The following MEIG1 variants were observed in gnomAD, a reference collection of about 807,000 sequenced individuals.
The protein encoded by MEIG1 is meiosis/spermiogenesis associated 1, also known as meiosis expressed gene 1 protein homolog.
MEIG1 carries 12 observed loss-of-function variants against 11.3 expected under a neutral mutation model. The ratio of observed to expected loss-of-function variants is 1.07; its 90% CI spans 0.68 to 1.73. MEIG1 has a LOEUF of 1.73. MEIG1 is among the 40% of genes most tolerant of loss of function. The pLI, the probability that MEIG1 is intolerant of heterozygous loss-of-function variation, is 0.00. For synonymous variants in MEIG1, 41 were observed against 33.2 expected (o/e 1.24, Z -0.81); for missense variants, 119 against 104.9 (o/e 1.13, Z -0.59).
the MEIG1 span, chr10:14,954,338 C>T: frequency 2.3e-6 from 1 of 431,080 alleles, no homozygotes; most frequent in Non-Finnish European, 4.3e-6. Flanking sequence ...GAGGTGCAGT[C>T]GCGGGAAGGG....
chr10:14,971,015 G>A lies in MEIG1; in HGVS notation c.139-1498G>A, dbSNP rs116921379. 3.3e-4 allele frequency among the ~76,000 whole-genome samples: 50 copies of A among 152,160 alleles called. No individual in the cohort carries two copies. In the East Asian group the frequency reaches 6.0e-3, roughly 18 times the overall value. On this transcript the variant is annotated intron_variant, in intron 2 of 2. Coordinates refer to ENST00000407572, the MANE Select transcript of MEIG1 (RefSeq NM_001080836.3). ...GGCCAGGAAGGGATAACATTGAAGA[G>A]GAAGTGGAGAGACAGATCTCCAAAT...
At chr10:14,968,696 TC>T (rs1843116109) in intron 2 of MEIG1, among the ~76,000 whole-genome samples, 1 of 152,128 alleles carries the variant, frequency 6.6e-6, no homozygotes, top group Admixed American at 6.6e-5. Context: ...TTATACTCTA[TC>T]CCCATTGCCA....
At chr10:14,982,895 T>C (rs1843279458) in intron 1 of MEIG1, among the ~76,000 whole-genome samples, 1 of 152,122 alleles carries the variant, frequency 6.6e-6, no homozygotes, top group African/African-American at 2.4e-5. Context: ...TAATAAGTGA[T>C]ATTGATCTTA....
chr10:14,986,514 C>T (rs1250656901), intron 1 of MEIG1, among the ~76,000 whole-genome samples: 5 of 152,188 alleles, frequency 3.3e-5, no homozygotes, highest in African/African-American at 9.7e-5. Context: ...TTCTGTATTT[C>T]AGGACCCAAT....
In MEIG1 at chr10:14,964,322, T is replaced by A. The variant is rs1262302604; in HGVS notation, c.-29-2118T>A. Among the ~76,000 whole-genome samples the A allele has an allele frequency of 3.3e-5, 5 of 152,072 alleles. No homozygotes were observed. The East Asian group carries it at 9.7e-4, about 29-fold the overall frequency. The stretch of plus-strand genomic sequence containing the variant: ...ACATCTTTCATATTGAAGAAATATT[T>A]GTCTGAAATTCAGCAAGTCTGTCTA... On this transcript the variant is annotated intron_variant, in intron 1 of 2. Transcript: ENST00000407572.
chr10:14,969,326 G>A (rs1024249893), intron 2 of MEIG1, among the ~76,000 whole-genome samples: 10 of 151,864 alleles, frequency 6.6e-5, no homozygotes, highest in African/African-American at 2.4e-4. Flanking sequence ...GAGTGTCTCT[G>A]TAGTCCCAGC....
chr10:14,964,722 G>A (rs1255253502), intron 1 of MEIG1, among the ~76,000 whole-genome samples: 11 of 142,932 alleles, frequency 7.7e-5, no homozygotes, highest in African/African-American at 2.1e-4. Flanking sequence ...GGTTTCAAGC[G>A]ATTCTCAAGC....
At chr10:14,984,218 C>T (rs1171647292) in intron 1 of MEIG1, among the ~76,000 whole-genome samples, 4 of 148,168 alleles carry the variant, frequency 2.7e-5, no homozygotes, top group Non-Finnish European at 5.9e-5. Flanking sequence ...GGGGAGCCCA[C>T]CCCCCTGCGA....
upstream of MEIG1, among the ~76,000 whole-genome samples, chr10:14,958,843 C>A (rs1184469746): frequency 6.6e-6 from 1 of 151,958 alleles, no homozygotes; most frequent in Non-Finnish European, 1.5e-5. Flanking sequence ...TTGCAGTGAG[C>A]CGAGATAGCA....
downstream of MEIG1, among the ~76,000 whole-genome samples, chr10:14,973,117 C>T (rs1843171291): frequency 1.3e-5 from 2 of 152,270 alleles, no homozygotes; most frequent in South Asian, 4.1e-4. Context: ...CTGCCCGCCT[C>T]AGCCTCCCAA....
At chr10:14,956,846 T>G (rs572532626), upstream of MEIG1, among the ~76,000 whole-genome samples, 1 of 152,286 alleles carries the variant, frequency 6.6e-6, no homozygotes, top group African/African-American at 2.4e-5. Context: ...GGTGGATCAC[T>G]TGAGGCCAGG....
At chr10:14,976,456 A>T (rs1564508206), downstream of MEIG1, among the ~76,000 whole-genome samples, 2 of 151,812 alleles carry the variant, frequency 1.3e-5, no homozygotes, top group Non-Finnish European at 1.5e-5. Flanking sequence ...CACACGGGCT[A>T]TGTTCGCTTT....
At chr10:14,982,384 C>T (rs1456357047) in intron 1 of MEIG1, among the ~76,000 whole-genome samples, 2 of 152,140 alleles carry the variant, frequency 1.3e-5, no homozygotes, top group Non-Finnish European at 2.9e-5. Flanking sequence ...GTTCCTCTAG[C>T]CACTTAGTTG....
At chr10:14,987,806 T>C (rs1843333936) in exon 3 of MEIG1, 1 of 179,536 alleles carries the variant, frequency 5.6e-6, no homozygotes, top group South Asian at 1.2e-4. Flanking sequence ...CTCAGTCTAA[T>C]TGAAAGAAAT....
intron 1 of MEIG1, among the ~76,000 whole-genome samples, chr10:14,964,681 A>G (rs1843059064): frequency 8.8e-6 from 1 of 114,158 alleles, no homozygotes; most frequent in African/African-American, 3.5e-5. Context: ...TTGCTCTGTC[A>G]CCCAGGCTGG....
chr10:14,968,863 G>A (rs1191592160), intron 2 of MEIG1, among the ~76,000 whole-genome samples: 13 of 152,172 alleles, frequency 8.5e-5, no homozygotes, highest in African/African-American at 3.1e-4. Flanking sequence ...TGGATCATCT[G>A]AGGTTGGGAG....
At chr10:14,966,417 A>T in intron 1 of MEIG1, 23 bp from the exon 2 acceptor site, 2 of 1,516,906 alleles carry the variant, frequency 1.3e-6, no homozygotes, top group Non-Finnish European at 1.8e-6. Context: ...ATTATCCATT[A>T]ATGTTGTTTT....
upstream of MEIG1, among the ~76,000 whole-genome samples, chr10:14,959,266 A>G (rs948358830): frequency 6.6e-6 from 1 of 152,286 alleles, no homozygotes; most frequent in African/African-American, 2.4e-5. Context: ...TGGCTTAGTA[A>G]GATGGGCCGG....
chr10:14,962,440 C>T (rs932887573), intron 1 of MEIG1, among the ~76,000 whole-genome samples: 2 of 152,132 alleles, frequency 1.3e-5, no homozygotes, highest in African/African-American at 2.4e-5. Flanking sequence ...TTAATAATAA[C>T]CGGAGGATGT....
Sources: gnomAD v4.1 joint callset for allele counts (sites outside exome capture counted in the v4.1 genomes callset) on GRCh38, gnomAD v4.1.1 for gene constraint, MANE v1.5 for transcripts, NCBI Gene and HGNC (gene_info 2026-07-23, HGNC 2026-07-21) for gene names.